STX11: variants seen among roughly 807,000 people sequenced by gnomAD.
STX11 encodes the protein syntaxin 11, also known as syntaxin-11.
STX11 carries 21 observed loss-of-function variants against 19.9 expected under a neutral mutation model. That is an observed-to-expected ratio of 1.06 (90% CI 0.75 to 1.52). The LOEUF is 1.52. Ranked by LOEUF, STX11 falls within the 40% of genes most tolerant of loss-of-function variation. The pLI, the probability that STX11 is intolerant of heterozygous loss-of-function variation, is 0.00. For synonymous variants in STX11, 193 were observed against 174.4 expected, an observed-to-expected ratio of 1.11 and a Z score of -0.84; for missense variants, 438 against 405.9, an observed-to-expected ratio of 1.08 and a Z score of -0.68.
chr6:144,163,453 A>G (rs917507326), intron 1 of STX11, among the ~76,000 whole-genome samples: 2 of 151,954 alleles, frequency 1.3e-5, no homozygotes, highest in African/African-American at 2.4e-5. Context: ...CATCTCTACA[A>G]AATTTTTTAT....
In STX11 at chr6:144,182,228, T is replaced by C. The variant is rs1801927501; in HGVS notation, c.-5-4395T>C. ...CTATATTTTTGTATAACTTCAGTAG[T>C]GTATACACTTTTAACCTTTTTGGAG... On this transcript the variant is annotated intron_variant, in intron 1 of 1. Transcript: ENST00000367568. This position sits in a 1 kb window ranked among gnomAD's most constrained non-coding sequence, Gnocchi z 4.8. Among the ~76,000 whole-genome samples the C allele has an allele frequency of 6.6e-6, 1 of 152,240 alleles. No individual in the cohort carries two copies. Among genetic ancestry groups the C allele is most frequent in the African/African-American group, 2.4e-5 (1 of 41,460 alleles).
At position 144,177,884 on chromosome 6, in the gene STX11, A is replaced by AAAGT. The variant is rs1801814660; in HGVS notation, c.-5-8738_-5-8735dup. Among the ~76,000 whole-genome samples the AAAGT allele has an allele frequency of 6.6e-6, 1 of 152,160 alleles. No homozygotes were observed. Among genetic ancestry groups the AAAGT allele is most frequent in the African/African-American group, 2.4e-5 (1 of 41,446 alleles). ...GTTAATAATTTTATGGATTTTTTTTAAAGTTGTGGTGACTTACTCCCTGTT... is the reference window on the plus strand; with the variant it reads ...GTTAATAATTTTATGGATTTTTTTTAAAGTAAGTTGTGGTGACTTACTCCCTGTT... On this transcript the variant is annotated intron_variant, in intron 1 of 1. Coordinates refer to ENST00000367568, the MANE Select transcript of STX11 (RefSeq NM_003764.4). This position sits in a 1 kb window ranked among gnomAD's most constrained non-coding sequence, Gnocchi z 4.4.
rs974513321 is a variant in STX11, at chr6:144,187,593, C to G, written c.*102C>G. 2.0e-6 allele frequency: 3 copies of G among 1,465,974 alleles called. No individual in the cohort carries two copies. The highest frequency in any genetic ancestry group is 4.0e-5 in the Admixed American group (2 of 49,428). 90.8% of individuals were successfully genotyped at this position (1,465,974 alleles called of 1,614,324 possible). On this transcript the variant is annotated 3_prime_UTR_variant, in exon 2 of 2. Coordinates refer to ENST00000367568, the MANE Select transcript of STX11 (RefSeq NM_003764.4). The surrounding 1 kb of genome is among the most constrained non-coding windows in gnomAD (Gnocchi z 5.6). ...TGCCCTGCAGGGAGTTGCCCCAACCCTTTCCGGAACTCAGTCTTTAGAAAA... is the reference window on the plus strand; with the variant it reads ...TGCCCTGCAGGGAGTTGCCCCAACCGTTTCCGGAACTCAGTCTTTAGAAAA...
At chr6:144,164,877 A>G (rs1801438408) in intron 1 of STX11, among the ~76,000 whole-genome samples, 1 of 151,494 alleles carries the variant, frequency 6.6e-6, no homozygotes, top group Admixed American at 6.6e-5. Flanking sequence ...TTTTATTTTT[A>G]GTAGAGTTGC....
intron 1 of STX11, among the ~76,000 whole-genome samples, chr6:144,179,773 C>T (rs909121311): frequency 6.6e-6 from 1 of 152,230 alleles, no homozygotes; most frequent in Non-Finnish European, 1.5e-5. Flanking sequence ...CACAAAACCT[C>T]ATTAAGGCAC....
At chr6:144,157,183 A>G (rs971552616) in intron 1 of STX11, among the ~76,000 whole-genome samples, 4 of 152,194 alleles carry the variant, frequency 2.6e-5, no homozygotes, top group African/African-American at 9.6e-5. Flanking sequence ...AGAGAGGGAA[A>G]CGGGATTGCA....
upstream of STX11, chr6:144,150,502 G>A: frequency 1.0e-6 from 1 of 985,396 alleles, no homozygotes; most frequent in Non-Finnish European, 1.2e-6. Flanking sequence ...GGCGGGGGCT[G>A]AGCCGGCGGC....
the STX11 span, among the ~76,000 whole-genome samples, chr6:144,143,881 G>A: frequency 1.3e-5 from 2 of 152,150 alleles, no homozygotes; most frequent in African/African-American, 4.8e-5. Flanking sequence ...CATTAGACAA[G>A]ATCCTTATAG....
chr6:144,141,928 C>T, the STX11 span, among the ~76,000 whole-genome samples: 3 of 151,958 alleles, frequency 2.0e-5, no homozygotes, highest in African/African-American at 7.3e-5. Flanking sequence ...GCACTCTGCC[C>T]ACCTCTGCCT....
intron 1 of STX11, among the ~76,000 whole-genome samples, chr6:144,161,751 C>A (rs1195873895): frequency 6.6e-6 from 1 of 152,146 alleles, no homozygotes; most frequent in Non-Finnish European, 1.5e-5. Context: ...CATCTAGATA[C>A]GTGCACCCAC....
At chr6:144,145,449 A>C in the STX11 span, among the ~76,000 whole-genome samples, 1 of 152,254 alleles carries the variant, frequency 6.6e-6, no homozygotes, top group East Asian at 1.9e-4. Flanking sequence ...AGATTTTTGC[A>C]TGTCCCTGTT....
rs1802141607 is a variant in STX11 at position 144,188,886 on chromosome 6, C to T, written c.*1395C>T. On this transcript the variant is annotated 3_prime_UTR_variant, in exon 2 of 2. Transcript: ENST00000367568. ...GGACTCTGGGCGCGTGCCACAATGT[C>T]TGGCTAATTTTTTATGTTTTTAGTA... Among the ~76,000 whole-genome samples, 1 of 151,948 alleles carries T rather than the reference C, an allele frequency of 6.6e-6. No individual in the cohort carries two copies. Among genetic ancestry groups the T allele is most frequent in the African/African-American group, 2.4e-5 (1 of 41,336 alleles).
rs117017297 is a variant in STX11 at position 144,191,090 on chromosome 6, A to G, written c.*3599A>G. 1.9e-3 allele frequency among the ~76,000 whole-genome samples: 283 copies of G among 152,072 alleles called. 3 individuals are homozygous for G. The East Asian group carries it at 0.037, about 20-fold the overall frequency. ...GGTACAAAATGAAAGAACAAATCAC[A>G]AAGAACAATAGATCCTTCAGGAGCT... is the stretch of plus-strand genomic sequence containing the variant. On this transcript the variant is annotated 3_prime_UTR_variant, in exon 2 of 2. Transcript: ENST00000367568.
In STX11 at chr6:144,187,460, TCTG is replaced by T; in HGVS notation, c.839_841del (p.Cys280del). On this transcript the variant is annotated inframe_deletion, in exon 2 of 2. Transcript: ENST00000367568. This position sits in a 1 kb window ranked among gnomAD's most constrained non-coding sequence, Gnocchi z 5.6. ...GAGGAGAAGAACCCCTGCCGGACCC[TCTG>T]CTGCTTCTGCTGTCCCTGCCTCAAG... The T allele has an allele frequency of 6.2e-7, 1 of 1,612,292 alleles. No individual in the cohort carries two copies. The highest frequency in any genetic ancestry group is 8.5e-7 in the Non-Finnish European group (1 of 1,179,954).
At chr6:144,161,964 C>T (rs541646979) in intron 1 of STX11, among the ~76,000 whole-genome samples, 52 of 152,216 alleles carry the variant, frequency 3.4e-4, no homozygotes, top group African/African-American at 1.1e-3. Context: ...AGATATAGCT[C>T]AGTGTGCTGG....
In STX11 at chr6:144,152,621, A is replaced by T. The variant is rs1801033650; in HGVS notation, c.-6+1918A>T. ...CTTTTAGGAAATGGTGTGACTAATTAATAGGTTGTTTTGTTTTGTTTTGTT... is the reference window on the plus strand; with the variant it reads ...CTTTTAGGAAATGGTGTGACTAATTTATAGGTTGTTTTGTTTTGTTTTGTT... On this transcript the variant is annotated intron_variant, in intron 1 of 1. Coordinates refer to ENST00000367568, the MANE Select transcript of STX11 (RefSeq NM_003764.4). This position sits in a 1 kb window ranked among gnomAD's most constrained non-coding sequence, Gnocchi z 4.9. Among the ~76,000 whole-genome samples the T allele has an allele frequency of 6.6e-6, 1 of 152,150 alleles. No homozygotes were observed. The highest frequency in any genetic ancestry group is 1.5e-5 in the Non-Finnish European group (1 of 68,018).
chr6:144,145,901 C>T (rs750031282), upstream of STX11, among the ~76,000 whole-genome samples: 2 of 152,072 alleles, frequency 1.3e-5, no homozygotes, highest in African/African-American at 2.4e-5. Flanking sequence ...ACAATGTGAA[C>T]GTACCTGTAT....
chr6:144,167,561 C>T lies in STX11; in HGVS notation c.-6+16858C>T, dbSNP rs1225229558. 1.3e-5 allele frequency among the ~76,000 whole-genome samples: 2 copies of T among 152,248 alleles called. No individual in the cohort carries two copies. The highest frequency in any genetic ancestry group is 2.9e-5 in the Non-Finnish European group (2 of 68,042). ...GTGCTTGCTTGGTATCACCATCATTCCTGACTCTGAATTTACATGCTGCTG... is the reference window on the plus strand; with the variant it reads ...GTGCTTGCTTGGTATCACCATCATTTCTGACTCTGAATTTACATGCTGCTG... On this transcript the variant is annotated intron_variant, in intron 1 of 1. Coordinates refer to ENST00000367568, the MANE Select transcript of STX11 (RefSeq NM_003764.4). The surrounding 1 kb of genome is among the most constrained non-coding windows in gnomAD (Gnocchi z 5.0).
rs764098396 is a variant in STX11 at position 144,188,591 on chromosome 6, G to A, written c.*1100G>A. Among the ~76,000 whole-genome samples, 17 of 152,118 alleles carry A rather than the reference G, an allele frequency of 1.1e-4. No homozygotes were observed. The highest frequency in any genetic ancestry group is 2.2e-4 in the Non-Finnish European group (15 of 68,028). ...GACCATTCCTTCCATGCATTGAAAT[G>A]GAGAAATTCAAAGTAAAAGAATTCT... On this transcript the variant is annotated 3_prime_UTR_variant, in exon 2 of 2. Transcript: ENST00000367568.
Sources: gnomAD v4.1 joint callset for allele counts (sites outside exome capture counted in the v4.1 genomes callset) on GRCh38, gnomAD v4.1.1 for gene constraint, Gnocchi (gnomAD v3.1) non-coding constraint, MANE v1.5 for transcripts, NCBI Gene and HGNC (gene_info 2026-07-23, HGNC 2026-07-21) for gene names.